Variants in JMJD1C observed in about 807,000 individuals in gnomAD.
JMJD1C encodes jumonji domain containing 1C, also known as jumonji domain-containing protein 1C.
JMJD1C carries 31 observed loss-of-function variants against 245.3 expected under a neutral mutation model. The observed-to-expected ratio is 0.13, with a 90% CI of 0.09 to 0.17. The LOEUF (loss-of-function observed/expected upper bound fraction) is 0.17. JMJD1C is among the 10% of genes least tolerant of loss of function. The pLI, the probability that JMJD1C is intolerant of heterozygous loss-of-function variation, is 1.00. For synonymous variants in JMJD1C, 1,057 were observed against 1,017.4 expected, an observed-to-expected ratio of 1.04 and a Z score of -0.74; for missense variants, 2,691 against 3,000.2, an observed-to-expected ratio of 0.90 and a Z score of 2.41.
intron 1 of JMJD1C, among the ~76,000 whole-genome samples, chr10:63,462,526 T>C (rs2133096908): frequency 1.3e-5 from 2 of 152,146 alleles, no homozygotes; most frequent in East Asian, 3.8e-4. Flanking sequence ...TTACAAGGAA[T>C]TATGGTTGTT....
At chr10:63,303,919 T>G (rs1271163622) in intron 2 of JMJD1C, among the ~76,000 whole-genome samples, 1 of 152,058 alleles carries the variant, frequency 6.6e-6, no homozygotes, top group Non-Finnish European at 1.5e-5. Context: ...ATACTAAGAG[T>G]TTTTCTGATA....
In JMJD1C at chr10:63,465,951, C is replaced by T; in HGVS notation, c.-289G>A. 4 of 526,814 alleles carry T rather than the reference C, an allele frequency of 7.6e-6. No individual in the cohort carries two copies. Among genetic ancestry groups the T allele is most frequent in the Admixed American group, 2.9e-5 (1 of 34,756 alleles). The allele number at this position is 526,814 out of a possible 1,614,324, so 32.6% of individuals were successfully genotyped here. On this transcript the variant is annotated 5_prime_UTR_variant, in exon 1 of 26. Transcript: ENST00000399262. ...GTCGAAGACCCCGAGGCAGCCCAGC[C>T]GCCGCCACCGCGCCGCGGCCAGTAC... is the stretch of plus-strand genomic sequence containing the variant.
intron 19 of JMJD1C, 91 bp from the exon 20 acceptor site, chr10:63,185,744 T>C (rs973876556): frequency 1.4e-5 from 11 of 766,160 alleles, no homozygotes; most frequent in Non-Finnish European, 2.5e-5. Context: ...AATGAATGAT[T>C]TGATTGTTGC....
chr10:63,468,770 G>T (rs7923437), upstream of JMJD1C, among the ~76,000 whole-genome samples: 1 of 152,096 alleles, frequency 6.6e-6, no homozygotes, highest in African/African-American at 2.4e-5. Context: ...ACCAAAGACT[G>T]GGAGATTATT....
At chr10:63,292,274 T>C (rs1858868396) in intron 2 of JMJD1C, among the ~76,000 whole-genome samples, 1 of 150,318 alleles carries the variant, frequency 6.7e-6, no homozygotes, top group Non-Finnish European at 1.5e-5. Flanking sequence ...TTTATATTTC[T>C]ATTCTGCATT....
intron 2 of JMJD1C, among the ~76,000 whole-genome samples, chr10:63,345,293 C>T (rs1482004867): frequency 6.6e-6 from 1 of 152,054 alleles, no homozygotes; most frequent in Admixed American, 6.6e-5. Context: ...TCAAGACCAG[C>T]CTGGCCAACA....
chr10:63,186,278 T>C lies in JMJD1C; in HGVS notation c.6676A>G (p.Lys2226Glu). 1 of 1,613,408 alleles carries C rather than the reference T, an allele frequency of 6.2e-7. No homozygotes were observed. The highest frequency in any genetic ancestry group is 8.5e-7 in the Non-Finnish European group (1 of 1,179,668). ...TTGGCATTTGAAATGATGCTATCTT[T>C]GCAGTTCAGGAGATCAGCTTGGTGG... The part of the protein sequence containing the change: ...GDHQADLLNC[K>E]DSIISNANVK... Residue 2226 changes from lysine to glutamate, a missense_variant, in exon 19 of 26, where the codon AAA becomes GAA. By Grantham distance (56) the Lys-to-Glu change is moderately conservative. Transcript: ENST00000399262.
At chr10:63,449,274 T>TA (rs1312852869) in intron 1 of JMJD1C, among the ~76,000 whole-genome samples, 1 of 152,154 alleles carries the variant, frequency 6.6e-6, no homozygotes. Context: ...GTACACAATC[T>TA]AAAAGTGAAA....
intron 1 of JMJD1C, among the ~76,000 whole-genome samples, chr10:63,425,128 AT>A (rs1950365902): frequency 6.6e-6 from 1 of 152,234 alleles, no homozygotes; most frequent in African/African-American, 2.4e-5. Context: ...TGGGAAAAAA[AT>A]AAAAGTGGAA....
At chr10:63,310,127 G>A (rs777252102) in intron 2 of JMJD1C, among the ~76,000 whole-genome samples, 34 of 152,052 alleles carry the variant, frequency 2.2e-4, no homozygotes, top group Admixed American at 1.8e-3. Flanking sequence ...AGAAAAAAGC[G>A]TAAACCCTAT....
chr10:63,180,412 C>T (rs2132851021), intron 22 of JMJD1C, among the ~76,000 whole-genome samples: 1 of 152,236 alleles, frequency 6.6e-6, no homozygotes, highest in Admixed American at 6.5e-5. Context: ...AAAGAGGGTC[C>T]TAATAAATCT....
intron 2 of JMJD1C, among the ~76,000 whole-genome samples, chr10:63,272,870 A>G (rs1285343080): frequency 6.6e-6 from 1 of 152,232 alleles, no homozygotes. Flanking sequence ...ACTTAAAAAC[A>G]GCTATTTTTG....
At chr10:63,232,642 TGC>T (rs1448027175) in intron 3 of JMJD1C, among the ~76,000 whole-genome samples, 1 of 152,034 alleles carries the variant, frequency 6.6e-6, no homozygotes, top group East Asian at 1.9e-4. Flanking sequence ...CATTTGGCAT[TGC>T]TTGCAACTAC....
chr10:63,501,015 A>G (rs1954541352), intron 1 of JMJD1C, among the ~76,000 whole-genome samples: 1 of 796 alleles, frequency 1.3e-3, no homozygotes, highest in South Asian at 0.17. Flanking sequence ...GATAGACTTC[A>G]TAATTCCCAA....
At position 63,219,940 on chromosome 10, in the gene JMJD1C, T is replaced by C. The variant is rs2133274919; in HGVS notation, c.491A>G (p.Gln164Arg). 1 of 1,613,862 alleles carries C rather than the reference T, an allele frequency of 6.2e-7. No homozygotes were observed. The highest frequency in any genetic ancestry group is 8.5e-7 in the Non-Finnish European group (1 of 1,179,784). ...SLNPVLRDNP[Q>R]LHEEVKVWVK... ...CCAGACTTTCACTTCCTCATGAAGC[T>C]GCGGGTTGTCCCTGAGAACTGGGTT... The change falls in exon 4 of 26, where the codon CAG becomes CGG. Residue 164 changes from glutamine to arginine, a missense_variant. Physicochemically the swap from Gln to Arg is conservative, Grantham distance 43. Transcript: ENST00000399262.
intron 1 of JMJD1C, among the ~76,000 whole-genome samples, 175 bp from the exon 2 acceptor site, chr10:63,380,657 A>ATCATT (rs1267022753): frequency 6.6e-6 from 1 of 152,242 alleles, no homozygotes; most frequent in Admixed American, 6.5e-5. Context: ...TCAAATATTT[A>ATCATT]TCATTTGTGT....
rs566828473 is a variant in JMJD1C at position 63,248,529 on chromosome 10, G to GATAGATAAATAAATAA, written c.447+16121_447+16122insTTATTTATTTATCTAT. On this transcript the variant is annotated intron_variant, in intron 3 of 25. Transcript: ENST00000399262. ...GAATGAGACCTCATCTCAATAGATA[G>GATAGATAAATAAATAA]ATAAATAAATAAATAAATAAATAAA... Among the ~76,000 whole-genome samples the GATAGATAAATAAATAA allele has an allele frequency of 7.8e-3, 1,063 of 137,018 alleles. 9 individuals carry two copies. The highest frequency in any genetic ancestry group is 9.2e-3 in the African/African-American group (330 of 35,998). The allele number at this position is 137,018 out of a possible 152,430, so 89.9% of individuals were successfully genotyped here. A position where few individuals can be genotyped will look rare whatever the true frequency, so the allele number is the denominator to read the frequency against.
intron 3 of JMJD1C, among the ~76,000 whole-genome samples, chr10:63,264,339 A>G (rs1423789178): frequency 6.6e-6 from 1 of 152,150 alleles, no homozygotes; most frequent in Non-Finnish European, 1.5e-5. Flanking sequence ...ATTGAAGACA[A>G]TTTATACTAA....
Position 63,208,569 on chromosome 10 carries a change from G to A in JMJD1C, c.3100C>T (p.Pro1034Ser), listed in dbSNP as rs757473112. 1.2e-5 allele frequency: 20 copies of A among 1,613,918 alleles called. No homozygotes were observed. Among genetic ancestry groups the A allele is most frequent in the Non-Finnish European group, 1.7e-6 (2 of 1,179,972 alleles). ...RILQESIDVA[P>S]FTTKIKGLEG... The stretch of plus-strand genomic sequence containing the variant: ...AGTCCCTTGATTTTAGTTGTAAAGG[G>A]AGCAACATCAATACTTTCTTGAAGA... Residue 1034 changes from proline to serine, a missense_variant, in exon 10 of 26, where the codon CCC (proline) becomes TCC (serine). This residue lies in a region of JMJD1C where 1,562 missense variants were observed against 1,490.7 expected (regional missense o/e 1.05). Coordinates refer to ENST00000399262, the MANE Select transcript of JMJD1C (RefSeq NM_032776.3).
Sources: gnomAD v4.1 joint callset for allele counts (sites outside exome capture counted in the v4.1 genomes callset) on GRCh38, gnomAD v4.1.1 for gene constraint, gnomAD v4.1.1 regional missense constraint, MANE v1.5 for transcripts, NCBI Gene and HGNC (gene_info 2026-07-23, HGNC 2026-07-21) for gene names.